GRIA4: variants seen among roughly 807,000 people sequenced by gnomAD.
GRIA4 encodes the protein glutamate receptor 4.
GRIA4 carries 34 observed loss-of-function variants against 104.0 expected under a neutral mutation model. The observed-to-expected ratio is 0.33, with a 90% CI of 0.25 to 0.44. The LOEUF (loss-of-function observed/expected upper bound fraction) is 0.44, where lower values mean the gene tolerates loss of function less well. Ranked by LOEUF, GRIA4 falls within the 20% of genes least tolerant of loss-of-function variation. GRIA4 has a pLI of 1.00. For synonymous variants in GRIA4, 386 were observed against 381.9 expected (o/e 1.01, Z -0.13); for missense variants, 750 against 1,096.5 (o/e 0.68, Z 4.46).
intron 11 of GRIA4, among the ~76,000 whole-genome samples, chr11:105,920,154 G>A (rs1166098203): frequency 6.6e-6 from 1 of 151,992 alleles, no homozygotes; most frequent in East Asian, 1.9e-4. Flanking sequence ...TGAAGCAATT[G>A]GTTAGTTTTA....
chr11:105,739,717 A>T (rs533918481), intron 3 of GRIA4, among the ~76,000 whole-genome samples: 1 of 152,302 alleles, frequency 6.6e-6, no homozygotes, highest in African/African-American at 2.4e-5. Context: ...TGAGGAGCTT[A>T]TCATTTTAAC....
intron 3 of GRIA4, among the ~76,000 whole-genome samples, chr11:105,637,393 T>C (rs1046042763): frequency 5.3e-5 from 8 of 152,200 alleles, no homozygotes; most frequent in African/African-American, 9.6e-5. Flanking sequence ...TGAGGAATAG[T>C]ATCACTGGAT....
intron 3 of GRIA4, among the ~76,000 whole-genome samples, chr11:105,641,512 A>G (rs1039699473): frequency 6.6e-6 from 1 of 152,150 alleles, no homozygotes; most frequent in African/African-American, 2.4e-5. Context: ...GATTTGGAGG[A>G]TATATTTTTT....
intron 3 of GRIA4, among the ~76,000 whole-genome samples, chr11:105,685,831 A>G (rs1450653628): frequency 6.6e-6 from 1 of 152,078 alleles, no homozygotes; most frequent in Non-Finnish European, 1.5e-5. Context: ...AAAAAAGTCA[A>G]CAGTAGCCTG....
intron 3 of GRIA4, among the ~76,000 whole-genome samples, chr11:105,645,961 A>G (rs1227171734): frequency 6.6e-6 from 1 of 152,192 alleles, no homozygotes; most frequent in Non-Finnish European, 1.5e-5. Context: ...ATTTCCTAGA[A>G]GCCATGAAGG....
At chr11:105,616,716 G>A (rs554922008) in intron 3 of GRIA4, among the ~76,000 whole-genome samples, 37 of 151,650 alleles carry the variant, frequency 2.4e-4, no homozygotes, top group Admixed American at 1.3e-3. Context: ...TTGCAAAGTT[G>A]TTAGTAAAGA....
intron 3 of GRIA4, among the ~76,000 whole-genome samples, chr11:105,624,851 T>G (rs1317423584): frequency 2.0e-5 from 3 of 152,152 alleles, no homozygotes; most frequent in Admixed American, 2.0e-4. Context: ...CTCCTCATTT[T>G]AAACAATTTT....
At chr11:105,971,539 C>CT (rs1186841178) in intron 14 of GRIA4, among the ~76,000 whole-genome samples, 1 of 152,180 alleles carries the variant, frequency 6.6e-6, no homozygotes, top group Non-Finnish European at 1.5e-5. Flanking sequence ...CTATTTCAGT[C>CT]TGTCTGTCAA....
chr11:105,866,650 G>A (rs1945431540), intron 5 of GRIA4, among the ~76,000 whole-genome samples: 1 of 147,818 alleles, frequency 6.8e-6, no homozygotes, highest in Non-Finnish European at 1.5e-5. Flanking sequence ...GCTATGGTTA[G>A]TAACTCCTGT....
At chr11:105,864,910 T>C (rs1486268658) in intron 5 of GRIA4, among the ~76,000 whole-genome samples, 1 of 152,186 alleles carries the variant, frequency 6.6e-6, no homozygotes. Context: ...CATTTCATAT[T>C]ATGGTAGCAT....
chr11:105,678,482 T>C (rs1952610779), intron 3 of GRIA4, among the ~76,000 whole-genome samples: 1 of 152,110 alleles, frequency 6.6e-6, no homozygotes, highest in Admixed American at 6.6e-5. Flanking sequence ...TTCAATTTTC[T>C]ATTCATAAGT....
intron 4 of GRIA4, among the ~76,000 whole-genome samples, chr11:105,814,969 T>A (rs562059278): frequency 3.9e-5 from 6 of 152,266 alleles, no homozygotes; most frequent in Admixed American, 6.5e-5. Context: ...GAGTAGGGCA[T>A]GTGACCCAAG....
intron 4 of GRIA4, among the ~76,000 whole-genome samples, chr11:105,783,652 CACAG>C (rs1238758949): frequency 2.6e-5 from 4 of 152,232 alleles, no homozygotes; most frequent in African/African-American, 9.6e-5. Flanking sequence ...ATTTTTCACT[CACAG>C]ACAGTATTAA....
chr11:105,671,094 A>T (rs1952349139), intron 3 of GRIA4, among the ~76,000 whole-genome samples: 1 of 152,124 alleles, frequency 6.6e-6, no homozygotes, highest in African/African-American at 2.4e-5. Context: ...TCTTGTGATT[A>T]CATCAGACCC....
chr11:105,954,649 T>G (rs1948537938), intron 14 of GRIA4, among the ~76,000 whole-genome samples: 1 of 152,092 alleles, frequency 6.6e-6, no homozygotes, highest in Non-Finnish European at 1.5e-5. Context: ...ATACTATAAG[T>G]ACTCCCTCTT....
chr11:105,694,346 A>C (rs1203844797), intron 3 of GRIA4, among the ~76,000 whole-genome samples: 3 of 151,948 alleles, frequency 2.0e-5, no homozygotes, highest in Non-Finnish European at 4.4e-5. Context: ...GAGGGATTTC[A>C]CCATGTTGGC....
intron 11 of GRIA4, among the ~76,000 whole-genome samples, chr11:105,919,788 C>T (rs1261893047): frequency 3.3e-5 from 5 of 152,058 alleles, no homozygotes; most frequent in Non-Finnish European, 7.4e-5. Context: ...ATCGAGTAAC[C>T]AATGAAGTAA....
At position 105,980,830 on chromosome 11, in the gene GRIA4, T is replaced by G. The variant is rs1859225913; in HGVS notation, c.*1091T>G. The G allele has an allele frequency of 1.3e-5, 2 of 152,668 alleles. No individual in the cohort carries two copies. The highest frequency in any genetic ancestry group is 1.3e-4 in the Admixed American group (2 of 15,284). The allele number at this position is 152,668 out of a possible 1,614,324, so 9.5% of individuals were successfully genotyped here. On this transcript the variant is annotated 3_prime_UTR_variant, in exon 17 of 17. Coordinates refer to ENST00000282499, the MANE Select transcript of GRIA4 (RefSeq NM_000829.4). ...TGGAAAATGTAGCTAGCCCTCATTATTTTTTGCATACTAAGCTACCCCTCC... is the reference window on the plus strand; with the variant it reads ...TGGAAAATGTAGCTAGCCCTCATTAGTTTTTGCATACTAAGCTACCCCTCC...
chr11:105,666,124 C>T (rs1447127795), intron 3 of GRIA4, among the ~76,000 whole-genome samples: 1 of 151,986 alleles, frequency 6.6e-6, no homozygotes. Flanking sequence ...AGGCTGTGTA[C>T]TGAAATAACT....
Sources: allele counts gnomAD v4.1 joint callset (sites outside exome capture counted in the v4.1 genomes callset), GRCh38; gene constraint gnomAD v4.1.1; transcripts MANE v1.5; gene names NCBI Gene and HGNC (gene_info 2026-07-23, HGNC 2026-07-21).